The following HDAC9 variants were observed in gnomAD, a reference collection of about 807,000 sequenced individuals.
HDAC9 encodes MEF-2 interacting transcription repressor (MITR) protein.
A neutral mutation model predicts 139.4 loss-of-function variants in HDAC9; 41 were observed. The ratio of observed to expected loss-of-function variants is 0.29; its 90% confidence interval spans 0.23 to 0.38. The LOEUF is 0.38. HDAC9 is among the 10% of genes least tolerant of loss of function. The probability of loss-of-function intolerance (pLI) is 1.00; values close to 1 mark genes in which losing one functional copy is unlikely to be tolerated. For synonymous variants in HDAC9, 517 were observed against 476.2 expected (o/e 1.09, Z -1.12); for missense variants, 1,147 against 1,297.0 (o/e 0.88, Z 1.78).
chr7:18,449,412 A>T (rs1230431405), intron 1 of HDAC9, among the ~76,000 whole-genome samples: 1 of 152,182 alleles, frequency 6.6e-6, no homozygotes. Context: ...AGTTAAAAAT[A>T]TGGTCAAAAC....
chr7:18,994,967 G>T (rs576676811), intron 25 of HDAC9, among the ~76,000 whole-genome samples: 1 of 152,080 alleles, frequency 6.6e-6, no homozygotes, highest in African/African-American at 2.4e-5. Flanking sequence ...TTTCCTTCTG[G>T]TAGCAAAGGC....
chr7:18,496,778 A>G (rs1586304489), intron 2 of HDAC9: 3 of 154,168 alleles, frequency 1.9e-5, no homozygotes, highest in South Asian at 4.1e-4. Context: ...TTATAGACCT[A>G]CCTTCTAAAA....
chr7:18,865,770 G>A (rs762671092), intron 21 of HDAC9, among the ~76,000 whole-genome samples: 28 of 152,018 alleles, frequency 1.8e-4, no homozygotes, highest in Non-Finnish European at 4.0e-4. Context: ...GAAAAAATGT[G>A]CAGTCTATAA....
At chr7:18,106,499 C>T (rs758118338) in intron 1 of HDAC9, among the ~76,000 whole-genome samples, 4 of 152,118 alleles carry the variant, frequency 2.6e-5, no homozygotes, top group Non-Finnish European at 5.9e-5. Flanking sequence ...GTCTCCCAGG[C>T]TGGAGTGCAG....
intron 19 of HDAC9, 110 bp downstream of exon 19, chr7:18,829,658 G>A: frequency 1.5e-6 from 1 of 667,622 alleles, no homozygotes; most frequent in East Asian, 2.6e-5. Flanking sequence ...ACAACTGAAG[G>A]GTGTGTTTTC....
At chr7:18,633,681 T>A (rs565350204) in intron 7 of HDAC9, among the ~76,000 whole-genome samples, 1 of 152,156 alleles carries the variant, frequency 6.6e-6, no homozygotes, top group Non-Finnish European at 1.5e-5. Context: ...TGACAAGGTG[T>A]AATGATGAGG....
intron 2 of HDAC9, among the ~76,000 whole-genome samples, chr7:18,220,796 G>C (rs1457032547): frequency 1.3e-5 from 2 of 152,144 alleles, no homozygotes; most frequent in Non-Finnish European, 2.9e-5. Context: ...TCGTAGCTCA[G>C]ATGTGGGATG....
intron 25 of HDAC9, among the ~76,000 whole-genome samples, chr7:18,981,382 T>C (rs1473438631): frequency 6.6e-6 from 1 of 152,140 alleles, no homozygotes; most frequent in African/African-American, 2.4e-5. Context: ...CTCAAAACGT[T>C]CACATACCTT....
At chr7:18,096,467 A>G (rs931092048) in intron 1 of HDAC9, among the ~76,000 whole-genome samples, 1 of 152,228 alleles carries the variant, frequency 6.6e-6, no homozygotes, top group Non-Finnish European at 1.5e-5. Flanking sequence ...TACAACATGT[A>G]TATTTAGATG....
intron 1 of HDAC9, among the ~76,000 whole-genome samples, chr7:18,306,219 C>T (rs1041327349): frequency 6.6e-6 from 1 of 152,198 alleles, no homozygotes; most frequent in African/African-American, 2.4e-5. Context: ...AATACCAACT[C>T]CTGAACATCG....
intron 2 of HDAC9, among the ~76,000 whole-genome samples, chr7:18,268,600 A>G (rs1397072416): frequency 2.6e-5 from 4 of 152,170 alleles, no homozygotes; most frequent in African/African-American, 4.8e-5. Flanking sequence ...AAACTATTGG[A>G]AAGATATTGG....
At chr7:18,781,652 C>T (rs1389646076) in intron 16 of HDAC9, among the ~76,000 whole-genome samples, 1 of 151,976 alleles carries the variant, frequency 6.6e-6, no homozygotes, top group Non-Finnish European at 1.5e-5. Context: ...CAACTCACAC[C>T]CCTTTTCTTA....
chr7:18,948,644 G>A (rs1782572139), intron 23 of HDAC9, among the ~76,000 whole-genome samples: 1 of 151,822 alleles, frequency 6.6e-6, no homozygotes, highest in Non-Finnish European at 1.5e-5. Flanking sequence ...CACCATTTCC[G>A]TGTCTGACCA....
intron 1 of HDAC9, among the ~76,000 whole-genome samples, chr7:18,308,858 G>A (rs1799105119): frequency 6.6e-6 from 1 of 152,158 alleles, no homozygotes; most frequent in African/African-American, 2.4e-5. Flanking sequence ...AGGAAGATAG[G>A]GTTTGTTGAA....
intron 13 of HDAC9, among the ~76,000 whole-genome samples, chr7:18,737,431 G>A (rs991851135): frequency 6.6e-6 from 1 of 152,274 alleles, no homozygotes; most frequent in East Asian, 1.9e-4. Flanking sequence ...CTGGTAAGTG[G>A]TGTCTTTGTT....
intron 1 of HDAC9, among the ~76,000 whole-genome samples, chr7:18,133,079 A>T (rs1321219576): frequency 6.6e-6 from 1 of 152,128 alleles, no homozygotes; most frequent in Non-Finnish European, 1.5e-5. Flanking sequence ...TGTCAAGGAA[A>T]GCAAATCTTG....
intron 1 of HDAC9, among the ~76,000 whole-genome samples, chr7:18,391,292 G>T (rs1312836200): frequency 6.6e-6 from 1 of 152,050 alleles, no homozygotes; most frequent in African/African-American, 2.4e-5. Context: ...GGCTGAGGCA[G>T]GAGAATCACT....
chr7:18,859,565 TTGA>T (rs1275811793), intron 21 of HDAC9, among the ~76,000 whole-genome samples: 1 of 150,976 alleles, frequency 6.6e-6, no homozygotes, highest in African/African-American at 2.4e-5. Context: ...AAAAAAAAAC[TTGA>T]TGATGCTGCC....
intron 2 of HDAC9, among the ~76,000 whole-genome samples, chr7:18,565,032 T>C (rs1462799497): frequency 6.6e-6 from 1 of 151,820 alleles, no homozygotes; most frequent in East Asian, 1.9e-4. Context: ...AGTTTCACTC[T>C]TGTTGCCCAG....
Sources: gnomAD v4.1 joint callset for allele counts (sites outside exome capture counted in the v4.1 genomes callset) on GRCh38, gnomAD v4.1.1 for gene constraint, MANE v1.5 for transcripts, NCBI Gene and HGNC (gene_info 2026-07-23, HGNC 2026-07-21) for gene names.